The following RAB27B variants were observed in gnomAD, a reference collection of about 807,000 sequenced individuals.
RAB27B encodes the protein RAB27B, member RAS oncogene family, also known as ras-related protein Rab-27B.
RAB27B carries 15 observed loss-of-function variants against 24.6 expected under a neutral mutation model. That is an observed-to-expected ratio of 0.61 (90% confidence interval 0.41 to 0.94). The LOEUF is 0.94. Ranked by LOEUF, RAB27B falls within the 40% of genes least tolerant of loss-of-function variation. The pLI, the probability that RAB27B is intolerant of heterozygous loss-of-function variation, is 0.00. For synonymous variants in RAB27B, 105 were observed against 92.5 expected, an observed-to-expected ratio of 1.14 and a Z score of -0.78; for missense variants, 261 against 266.8, an observed-to-expected ratio of 0.98 and a Z score of 0.15.
rs138805523 is a variant in RAB27B, at chr18:54,835,643, A to T, written c.-20+6943A>T. Among the ~76,000 whole-genome samples, 165 of 152,128 alleles carry T rather than the reference A, an allele frequency of 1.1e-3. 1 individual carries two copies. The highest frequency in any genetic ancestry group is 0.01 in the Middle Eastern group (3 of 294). On this transcript the variant is annotated intron_variant, in intron 1 of 5. Coordinates refer to ENST00000262094, the MANE Select transcript of RAB27B (RefSeq NM_004163.4). ...GTTAAAACGTAATAAAACAGACTTA[A>T]ATAAATAGGCCATCATGTTTGAAAA...
intron 2 of RAB27B, among the ~76,000 whole-genome samples, chr18:54,779,750 C>T (rs1051633236): frequency 1.3e-5 from 2 of 152,112 alleles, no homozygotes; most frequent in African/African-American, 2.4e-5. Context: ...CTAGGGCTTC[C>T]GTAATGAAAT....
intron 2 of RAB27B, among the ~76,000 whole-genome samples, chr18:54,795,928 A>G (rs778554878): frequency 6.6e-6 from 1 of 152,196 alleles, no homozygotes; most frequent in Non-Finnish European, 1.5e-5. Context: ...TGCTGCACAT[A>G]TTTAGTGTAC....
At chr18:54,881,410 G>C (rs993093017) in intron 3 of RAB27B, among the ~76,000 whole-genome samples, 4 of 152,086 alleles carry the variant, frequency 2.6e-5, no homozygotes, top group Non-Finnish European at 4.4e-5. Context: ...GGAAATTCAA[G>C]GGGAGTTAGT....
chr18:54,805,717 A>C (rs2145138718), intron 2 of RAB27B, among the ~76,000 whole-genome samples: 1 of 152,288 alleles, frequency 6.6e-6, no homozygotes, highest in Middle Eastern at 3.4e-3. Flanking sequence ...AATAGAGTTG[A>C]ATGTCTTCTT....
At chr18:54,783,077 C>T (rs983840589) in intron 2 of RAB27B, among the ~76,000 whole-genome samples, 2 of 152,074 alleles carry the variant, frequency 1.3e-5, no homozygotes, top group Non-Finnish European at 2.9e-5. Context: ...TCCGCCTCAG[C>T]CTCCCAAGTA....
intron 2 of RAB27B, among the ~76,000 whole-genome samples, chr18:54,740,892 T>C (rs901625271): frequency 1.3e-5 from 2 of 152,180 alleles, no homozygotes; most frequent in African/African-American, 4.8e-5. Flanking sequence ...TGCTAGTGCA[T>C]TTTTATTAAC....
At chr18:54,841,149 G>A (rs908713115) in intron 1 of RAB27B, among the ~76,000 whole-genome samples, 1 of 112,398 alleles carries the variant, frequency 8.9e-6, no homozygotes, top group Non-Finnish European at 2.0e-5. Context: ...TCTGTCTTTG[G>A]GTGGCGGGGC....
At chr18:54,874,860 G>A (rs1318780796) in intron 1 of RAB27B, among the ~76,000 whole-genome samples, 44 of 152,130 alleles carry the variant, frequency 2.9e-4, no homozygotes, top group Admixed American at 2.8e-3. Flanking sequence ...TTTTACATGA[G>A]CAAGTTTAGG....
At chr18:54,792,020 T>A (rs889710070) in intron 2 of RAB27B, among the ~76,000 whole-genome samples, 1 of 152,134 alleles carries the variant, frequency 6.6e-6, no homozygotes, top group Non-Finnish European at 1.5e-5. Context: ...CCAGGTGTGA[T>A]CTGATTTTTC....
At chr18:54,727,941 C>T (rs1909593258) in intron 2 of RAB27B, among the ~76,000 whole-genome samples, 1 of 152,142 alleles carries the variant, frequency 6.6e-6, no homozygotes, top group African/African-American at 2.4e-5. Context: ...TCACACTCCA[C>T]GCTACAGCTC....
intron 1 of RAB27B, among the ~76,000 whole-genome samples, chr18:54,876,149 A>T (rs941376856): frequency 6.6e-6 from 1 of 152,108 alleles, no homozygotes; most frequent in Non-Finnish European, 1.5e-5. Flanking sequence ...GAGATAGCAA[A>T]GGGGGAAGAG....
chr18:54,800,887 T>A (rs1251297017), intron 2 of RAB27B, among the ~76,000 whole-genome samples: 1 of 152,106 alleles, frequency 6.6e-6, no homozygotes, highest in African/African-American at 2.4e-5. Context: ...TCATATATAA[T>A]AAGTAAAGTA....
At chr18:54,739,487 A>G (rs903840238) in intron 2 of RAB27B, among the ~76,000 whole-genome samples, 5 of 150,148 alleles carry the variant, frequency 3.3e-5, no homozygotes, top group African/African-American at 1.2e-4. Context: ...AGAAAGAAAT[A>G]CTACCTTTTT....
chr18:54,753,970 C>T (rs947469355), intron 2 of RAB27B, among the ~76,000 whole-genome samples: 1 of 152,168 alleles, frequency 6.6e-6, no homozygotes, highest in African/African-American at 2.4e-5. Context: ...AAAATGGTGC[C>T]CTGTTTACAG....
chr18:54,729,913 A>G (rs13381004), intron 2 of RAB27B, among the ~76,000 whole-genome samples: 9,726 of 152,254 alleles, frequency 0.064, 399 homozygotes, highest in African/African-American at 0.092. Flanking sequence ...TTCAGTTAAT[A>G]CCATTTGCCT....
At chr18:54,860,477 A>G (rs561846136) in intron 1 of RAB27B, among the ~76,000 whole-genome samples, 1 of 151,978 alleles carries the variant, frequency 6.6e-6, no homozygotes, top group African/African-American at 2.4e-5. Context: ...TCCTTTCCCT[A>G]TCAAACTCCA....
intron 2 of RAB27B, among the ~76,000 whole-genome samples, chr18:54,758,215 C>CA (rs1810009470): frequency 6.6e-6 from 1 of 152,052 alleles, no homozygotes. Context: ...ATTCCCTGGT[C>CA]ATTTGATGCA....
intron 1 of RAB27B, among the ~76,000 whole-genome samples, chr18:54,833,118 G>A (rs182607671): frequency 6.6e-6 from 1 of 152,102 alleles, no homozygotes; most frequent in East Asian, 1.9e-4. Flanking sequence ...ACAGTGAGCC[G>A]AAGCTTGGGA....
chr18:54,752,304 T>C (rs1003529035), intron 2 of RAB27B, among the ~76,000 whole-genome samples: 2 of 152,184 alleles, frequency 1.3e-5, no homozygotes, highest in Non-Finnish European at 2.9e-5. Context: ...CCAACTGGAA[T>C]CATTTGAGGA....
Sources: allele counts gnomAD v4.1 joint callset (sites outside exome capture counted in the v4.1 genomes callset), GRCh38; gene constraint gnomAD v4.1.1; transcripts MANE v1.5; gene names NCBI Gene and HGNC (gene_info 2026-07-23, HGNC 2026-07-21).